The following CNNM2 variants were observed in gnomAD, a reference collection of about 807,000 sequenced individuals.
CNNM2 encodes cyclin and CBS domain divalent metal cation transport mediator 2.
CNNM2 carries 12 observed loss-of-function variants against 66.9 expected under a neutral mutation model. The observed-to-expected ratio is 0.18, with a 90% CI of 0.11 to 0.29. The LOEUF (loss-of-function observed/expected upper bound fraction) is 0.29, where lower values mean the gene tolerates loss of function less well. Among genes scored for constraint, CNNM2 ranks in the 10% least tolerant of loss-of-function variants. The probability of loss-of-function intolerance (pLI) is 1.00; values close to 1 mark genes in which losing one functional copy is unlikely to be tolerated. For synonymous variants in CNNM2, 557 were observed against 501.8 expected (o/e 1.11, Z -1.47); for missense variants, 705 against 1,167.7 (o/e 0.60, Z 5.77).
intron 4 of CNNM2, among the ~76,000 whole-genome samples, chr10:103,058,690 G>C (rs1005672420): frequency 6.6e-6 from 1 of 152,194 alleles, no homozygotes; most frequent in Non-Finnish European, 1.5e-5. Context: ...TTTTTGAACT[G>C]TTAGGCTGAT....
chr10:103,045,845 A>G (rs2065119572), intron 1 of CNNM2, among the ~76,000 whole-genome samples: 1 of 152,160 alleles, frequency 6.6e-6, no homozygotes, highest in South Asian at 2.1e-4. Flanking sequence ...AGTTCTTACT[A>G]TGTTGCCCAG....
intron 1 of CNNM2, among the ~76,000 whole-genome samples, chr10:103,035,607 TTAAG>T (rs2064922279): frequency 6.6e-6 from 1 of 152,256 alleles, no homozygotes; most frequent in African/African-American, 2.4e-5. Context: ...GGATGGGCCA[TTAAG>T]TAAGTCACAT....
chr10:102,985,846 A>G (rs539027604), intron 1 of CNNM2, among the ~76,000 whole-genome samples: 1 of 152,250 alleles, frequency 6.6e-6, no homozygotes, highest in Non-Finnish European at 1.5e-5. Flanking sequence ...GGCCCTGCCA[A>G]CTGAGGAGTG....
intron 1 of CNNM2, among the ~76,000 whole-genome samples, chr10:102,961,935 G>T (rs1318404550): frequency 6.6e-6 from 1 of 151,146 alleles, no homozygotes; most frequent in Non-Finnish European, 1.5e-5. Flanking sequence ...AATAAGAAAG[G>T]TTGTCTAACG....
At chr10:102,937,874 C>T (rs1437834072) in intron 1 of CNNM2, among the ~76,000 whole-genome samples, 1 of 151,872 alleles carries the variant, frequency 6.6e-6, no homozygotes, top group Non-Finnish European at 1.5e-5. Context: ...ATCCTCCCAC[C>T]TTGGCTTCCC....
In CNNM2 at chr10:103,064,176, C is replaced by A. The variant is rs149353583; in HGVS notation, c.2074-4453C>A. ...CAACTTTATATGAAGTAAAATTACT[C>A]TAATGTGATAACTCTTCCTAAGTGC... On this transcript the variant is annotated intron_variant, in intron 4 of 7. Transcript: ENST00000369878. 1.5e-3 allele frequency among the ~76,000 whole-genome samples: 230 copies of A among 152,286 alleles called. 1 individual carries two copies. The highest frequency in any genetic ancestry group is 5.4e-3 in the African/African-American group (223 of 41,542).
intron 1 of CNNM2, among the ~76,000 whole-genome samples, chr10:102,996,113 G>A (rs1172612896): frequency 6.6e-6 from 1 of 151,876 alleles, no homozygotes; most frequent in Non-Finnish European, 1.5e-5. Context: ...GGTCTGTAAT[G>A]GTATTCCCCT....
In CNNM2 at chr10:102,950,260, C is replaced by A. The variant is rs141341774; in HGVS notation, c.1621+30159C>A. Among the ~76,000 whole-genome samples the A allele has an allele frequency of 1.5e-3, 235 of 152,208 alleles. 1 individual carries two copies. Among genetic ancestry groups the A allele is most frequent in the Middle Eastern group, 0.01 (3 of 294 alleles). On this transcript the variant is annotated intron_variant, in intron 1 of 7. Coordinates refer to ENST00000369878, the MANE Select transcript of CNNM2 (RefSeq NM_017649.5). ...TAATTTGATGGAGGAAAAATAACTT[C>A]TAAGGTAAAAATGAAATGTTTGTAA...
intron 1 of CNNM2, among the ~76,000 whole-genome samples, chr10:102,995,161 C>CCT (rs2063968740): frequency 7.0e-6 from 1 of 143,260 alleles, no homozygotes; most frequent in African/African-American, 2.6e-5. Flanking sequence ...CCCCCTCTTC[C>CCT]TCCTCCTCCC....
chr10:102,924,648 C>T (rs373674389), intron 1 of CNNM2, among the ~76,000 whole-genome samples: 101 of 148,128 alleles, frequency 6.8e-4, no homozygotes, highest in African/African-American at 2.2e-3. Flanking sequence ...TTATTTTATA[C>T]GTATTTGTTA....
intron 1 of CNNM2, among the ~76,000 whole-genome samples, chr10:103,030,790 G>A (rs2064807664): frequency 6.6e-6 from 1 of 152,160 alleles, no homozygotes; most frequent in Non-Finnish European, 1.5e-5. Context: ...GTCATAGCCG[G>A]ATGAAACTAG....
At chr10:102,944,347 G>A (rs996043453) in intron 1 of CNNM2, among the ~76,000 whole-genome samples, 2 of 152,010 alleles carry the variant, frequency 1.3e-5, no homozygotes, top group Non-Finnish European at 2.9e-5. Context: ...CAAAGTGCTG[G>A]GATTACAGGC....
intron 1 of CNNM2, among the ~76,000 whole-genome samples, chr10:102,926,712 A>ATTTTT (rs376861078): frequency 1.7e-4 from 19 of 113,794 alleles, no homozygotes; most frequent in East Asian, 2.7e-4. Flanking sequence ...CACCCAGCTA[A>ATTTTT]TTTTTTTTTT....
rs77596033 is a variant in CNNM2, at chr10:103,060,582, C to A, written c.2073+3618C>A. On this transcript the variant is annotated intron_variant, in intron 4 of 7. Transcript: ENST00000369878. ...AGATAAATTTAAAAAAAGAAAAGGT[C>A]ATATATTAAAAAATACTAAGTCATG... Among the ~76,000 whole-genome samples, 618 of 152,170 alleles carry A rather than the reference C, an allele frequency of 4.1e-3. 20 individuals carry two copies. The East Asian group carries it at 0.072, about 18-fold the overall frequency.
intron 1 of CNNM2, among the ~76,000 whole-genome samples, chr10:102,956,957 G>C (rs564896389): frequency 1.3e-5 from 2 of 152,106 alleles, no homozygotes; most frequent in Admixed American, 1.3e-4. Context: ...CGTTGTGCAC[G>C]TGTACCCTAG....
intron 1 of CNNM2, among the ~76,000 whole-genome samples, chr10:102,995,776 G>T (rs1307891668): frequency 1.3e-5 from 2 of 152,012 alleles, no homozygotes; most frequent in Admixed American, 6.6e-5. Context: ...GCCCAGGCTG[G>T]AGTGCAGTGG....
At chr10:102,932,877 A>G (rs962104411) in intron 1 of CNNM2, among the ~76,000 whole-genome samples, 8 of 150,522 alleles carry the variant, frequency 5.3e-5, no homozygotes, top group South Asian at 2.1e-4. Context: ...AGATTGCACC[A>G]CTGCACTCCA....
chr10:102,991,916 G>A (rs2063904979), intron 1 of CNNM2, among the ~76,000 whole-genome samples: 1 of 152,062 alleles, frequency 6.6e-6, no homozygotes. Context: ...TTTCTCCATA[G>A]ATGGGGTAAA....
At position 103,054,544 on chromosome 10, in the gene CNNM2, T is replaced by TGAGAAACACGC; in HGVS notation, c.1903+78_1903+79insGAGAAACACGC. The TGAGAAACACGC allele has an allele frequency of 6.6e-7, 1 of 1,509,056 alleles. No homozygotes were observed. Among genetic ancestry groups the TGAGAAACACGC allele is most frequent in the Non-Finnish European group, 9.0e-7 (1 of 1,106,562 alleles). The allele number at this position is 1,509,056 out of a possible 1,614,324, so 93.5% of individuals were successfully genotyped here. ...CTCACCCACCACTGACTGGGGTGGG[T>TGAGAAACACGC]TGGGGGTGGACACTGGGAAATGGGG... is the stretch of plus-strand genomic sequence containing the variant. On this transcript the variant is annotated intron_variant, in intron 3 of 7. Transcript: ENST00000369878. This position sits in a 1 kb window ranked among gnomAD's most constrained non-coding sequence, Gnocchi z 5.2.
Sources: gnomAD v4.1 joint callset for allele counts (sites outside exome capture counted in the v4.1 genomes callset) on GRCh38, gnomAD v4.1.1 for gene constraint, Gnocchi (gnomAD v3.1) non-coding constraint, MANE v1.5 for transcripts, NCBI Gene and HGNC (gene_info 2026-07-23, HGNC 2026-07-21) for gene names.